Variants in SOX5 observed in about 807,000 individuals in gnomAD.
SOX5 encodes the protein transcription factor SOX-5.
A neutral mutation model predicts 92.0 loss-of-function variants in SOX5; 9 were observed. The ratio of observed to expected loss-of-function variants is 0.10; its 90% CI spans 0.06 to 0.17. The LOEUF is 0.17. SOX5 is among the 10% of genes least tolerant of loss of function. SOX5 has a pLI of 1.00. For missense variants in SOX5, 642 were observed against 944.5 expected, an observed-to-expected ratio of 0.68 and a Z score of 4.20; for synonymous variants, 344 against 336.3, an observed-to-expected ratio of 1.02 and a Z score of -0.25.
intron 4 of SOX5, among the ~76,000 whole-genome samples, chr12:24,116,187 C>T (rs1321521177): frequency 6.6e-6 from 1 of 152,104 alleles, no homozygotes; most frequent in Non-Finnish European, 1.5e-5. Flanking sequence ...AGTCAAAGAA[C>T]TGTGTGTATA....
chr12:23,750,275 C>A (rs2094140580), intron 4 of SOX5, among the ~76,000 whole-genome samples: 1 of 151,814 alleles, frequency 6.6e-6, no homozygotes, highest in African/African-American at 2.4e-5. Context: ...AATGTTGTCA[C>A]AATAATTTTG....
chr12:24,235,779 T>C (rs1171694739), intron 3 of SOX5, among the ~76,000 whole-genome samples: 2 of 152,242 alleles, frequency 1.3e-5, no homozygotes, highest in East Asian at 1.9e-4. Flanking sequence ...TTGAGACTAA[T>C]ACAATTAAAA....
intron 1 of SOX5, among the ~76,000 whole-genome samples, chr12:24,421,408 G>C (rs1168829387): frequency 2.0e-5 from 3 of 152,322 alleles, no homozygotes; most frequent in African/African-American, 7.2e-5. Context: ...GTTACTAGCA[G>C]TTAAAATAGT....
At chr12:23,857,435 G>A (rs1048239401) in intron 2 of SOX5, among the ~76,000 whole-genome samples, 5 of 152,156 alleles carry the variant, frequency 3.3e-5, no homozygotes, top group African/African-American at 1.2e-4. Context: ...GTAGCAGTGG[G>A]AGTTGAAAAG....
intron 4 of SOX5, among the ~76,000 whole-genome samples, chr12:24,142,302 T>C (rs1950659075): frequency 6.6e-6 from 1 of 152,136 alleles, no homozygotes; most frequent in Admixed American, 6.6e-5. Context: ...GAGATAAGTG[T>C]AACAATGAAC....
chr12:23,707,631 C>A (rs1177215076), intron 6 of SOX5, among the ~76,000 whole-genome samples: 1 of 151,976 alleles, frequency 6.6e-6, no homozygotes, highest in Non-Finnish European at 1.5e-5. Context: ...TTCATGGTCT[C>A]GATTTTAGTT....
At chr12:24,208,229 A>G (rs1958225470) in intron 4 of SOX5, among the ~76,000 whole-genome samples, 1 of 152,164 alleles carries the variant, frequency 6.6e-6, no homozygotes, top group Non-Finnish European at 1.5e-5. Context: ...CAGTTTATAA[A>G]TCAGTCAGCC....
chr12:23,586,297 T>G (rs1566057944), intron 9 of SOX5, among the ~76,000 whole-genome samples: 1 of 152,088 alleles, frequency 6.6e-6, no homozygotes, highest in Admixed American at 6.6e-5. Flanking sequence ...AAGTGGTAGG[T>G]TAATTCTTTA....
chr12:24,055,397 G>A (rs1041430099), intron 4 of SOX5, among the ~76,000 whole-genome samples: 3 of 152,152 alleles, frequency 2.0e-5, no homozygotes, highest in Non-Finnish European at 4.4e-5. Context: ...TATAGGACAT[G>A]GCAAAAAAGA....
At chr12:24,546,290 C>T (rs1188949768) in intron 1 of SOX5, among the ~76,000 whole-genome samples, 1 of 152,150 alleles carries the variant, frequency 6.6e-6, no homozygotes, top group African/African-American at 2.4e-5. Flanking sequence ...TAACTGCTGA[C>T]TTCAGGAGCT....
chr12:23,652,042 T>C (rs574144628), intron 7 of SOX5, among the ~76,000 whole-genome samples: 1 of 152,158 alleles, frequency 6.6e-6, no homozygotes, highest in East Asian at 1.9e-4. Context: ...TCTGAAACCA[T>C]CATCTATTTT....
At chr12:24,003,893 A>G (rs1483547981) in intron 4 of SOX5, among the ~76,000 whole-genome samples, 1 of 152,034 alleles carries the variant, frequency 6.6e-6, no homozygotes, top group African/African-American at 2.4e-5. Context: ...TTTATTTCAA[A>G]GAACAATATA....
intron 2 of SOX5, among the ~76,000 whole-genome samples, chr12:23,884,575 C>A (rs962312237): frequency 3.3e-5 from 5 of 152,132 alleles, no homozygotes; most frequent in African/African-American, 9.7e-5. Flanking sequence ...CTGCCTCCCC[C>A]ACAAGTATTT....
chr12:23,975,818 G>A (rs933672050), intron 4 of SOX5, among the ~76,000 whole-genome samples: 5 of 152,254 alleles, frequency 3.3e-5, no homozygotes, highest in Middle Eastern at 3.4e-3. Context: ...AGACCAGAAA[G>A]GAAGTCAATA....
At chr12:23,715,237 T>G (rs2092402258) in intron 6 of SOX5, among the ~76,000 whole-genome samples, 2 of 151,500 alleles carry the variant, frequency 1.3e-5, no homozygotes, top group Admixed American at 6.6e-5. Flanking sequence ...AGGCGAAGCT[T>G]GCAGTGAGCC....
At chr12:24,012,030 C>G (rs989785093) in intron 4 of SOX5, among the ~76,000 whole-genome samples, 13 of 152,170 alleles carry the variant, frequency 8.5e-5, no homozygotes, top group African/African-American at 3.1e-4. Context: ...GAGGTCCATG[C>G]GTTCTTTAGC....
At chr12:24,475,389 G>T (rs1369093465) in intron 1 of SOX5, among the ~76,000 whole-genome samples, 1 of 152,178 alleles carries the variant, frequency 6.6e-6, no homozygotes, top group African/African-American at 2.4e-5. Context: ...CAGGAATCGT[G>T]TACTGTTCAT....
At chr12:23,974,892 A>G (rs1948741249) in intron 4 of SOX5, among the ~76,000 whole-genome samples, 1 of 152,180 alleles carries the variant, frequency 6.6e-6, no homozygotes, top group Non-Finnish European at 1.5e-5. Flanking sequence ...AGAGAAGACA[A>G]AATATTAAGG....
intron 8 of SOX5, among the ~76,000 whole-genome samples, chr12:23,621,767 T>A (rs1057285333): frequency 1.3e-5 from 2 of 152,082 alleles, no homozygotes; most frequent in Non-Finnish European, 2.9e-5. Flanking sequence ...CCTTCCAAGT[T>A]AAAGAATGCT....
Sources: gnomAD v4.1 joint callset for allele counts (sites outside exome capture counted in the v4.1 genomes callset) on GRCh38, gnomAD v4.1.1 for gene constraint, MANE v1.5 for transcripts, NCBI Gene and HGNC (gene_info 2026-07-23, HGNC 2026-07-21) for gene names.